CADM1: variants seen among roughly 807,000 people sequenced by gnomAD.
CADM1 encodes the protein cell adhesion molecule 1.
CADM1 carries 15 observed loss-of-function variants against 53.1 expected under a neutral mutation model. The ratio of observed to expected loss-of-function variants is 0.28; its 90% CI spans 0.19 to 0.44. The LOEUF is 0.44. CADM1 is among the 20% of genes least tolerant of loss of function. The probability of loss-of-function intolerance (pLI) is 1.00; values close to 1 mark genes in which losing one functional copy is unlikely to be tolerated. For missense variants in CADM1, 434 were observed against 611.3 expected, an observed-to-expected ratio of 0.71 and a Z score of 3.06; for synonymous variants, 281 against 243.0, an observed-to-expected ratio of 1.16 and a Z score of -1.45.
At chr11:115,313,434 A>T (rs1300829372) in intron 1 of CADM1, among the ~76,000 whole-genome samples, 1 of 152,194 alleles carries the variant, frequency 6.6e-6, no homozygotes. Context: ...TCTGCCAGTT[A>T]GTACAATTTA....
At chr11:115,423,451 A>C (rs1947811442) in intron 1 of CADM1, among the ~76,000 whole-genome samples, 1 of 152,196 alleles carries the variant, frequency 6.6e-6, no homozygotes, top group African/African-American at 2.4e-5. Context: ...TCTCCTTACT[A>C]TGCATGGTGA....
At chr11:115,501,823 TC>T (rs1043731952) in intron 1 of CADM1, among the ~76,000 whole-genome samples, 13 of 152,098 alleles carry the variant, frequency 8.5e-5, no homozygotes, top group African/African-American at 2.9e-4. Context: ...GGAGGAAAAG[TC>T]CCTTGGTGCC....
At chr11:115,405,522 A>G (rs1229703168) in intron 1 of CADM1, among the ~76,000 whole-genome samples, 1 of 152,230 alleles carries the variant, frequency 6.6e-6, no homozygotes, top group East Asian at 1.9e-4. Flanking sequence ...AAAGACACAT[A>G]TAAGAATGGT....
intron 1 of CADM1, among the ~76,000 whole-genome samples, chr11:115,339,052 G>A (rs112259651): frequency 4.4e-5 from 2 of 45,322 alleles, no homozygotes; most frequent in East Asian, 4.9e-4. Context: ...CCCCTCCCCC[G>A]ACCCCACCAC....
intron 1 of CADM1, among the ~76,000 whole-genome samples, chr11:115,432,492 T>C (rs895160556): frequency 1.3e-5 from 2 of 152,216 alleles, no homozygotes; most frequent in Non-Finnish European, 2.9e-5. Flanking sequence ...ACTTGGCATC[T>C]CAGCATCTAG....
chr11:115,481,889 T>A (rs1383184034), intron 1 of CADM1, among the ~76,000 whole-genome samples: 2 of 152,110 alleles, frequency 1.3e-5, no homozygotes, highest in Non-Finnish European at 2.9e-5. Context: ...CCTACCTGAG[T>A]CTCTAATCCT....
At chr11:115,323,083 C>T (rs1006035324) in intron 1 of CADM1, among the ~76,000 whole-genome samples, 1 of 152,108 alleles carries the variant, frequency 6.6e-6, no homozygotes, top group Non-Finnish European at 1.5e-5. Flanking sequence ...TTCTCCATAT[C>T]CTTGTCAACA....
At chr11:115,420,641 C>T (rs1232935693) in intron 1 of CADM1, among the ~76,000 whole-genome samples, 4 of 152,178 alleles carry the variant, frequency 2.6e-5, no homozygotes, top group Admixed American at 6.5e-5. Context: ...GAGGTTCCTA[C>T]TCAAAGAGGC....
intron 1 of CADM1, among the ~76,000 whole-genome samples, chr11:115,467,187 G>A (rs756031963): frequency 6.6e-6 from 1 of 152,206 alleles, no homozygotes; most frequent in Admixed American, 6.5e-5. Context: ...GACGTCTGTA[G>A]TGGAGGAGCA....
chr11:115,198,295 C>T, intron 9 of CADM1, 111 bp downstream of exon 9: 1 of 768,972 alleles, frequency 1.3e-6, no homozygotes, highest in East Asian at 2.7e-5. Context: ...TTTATGAGGT[C>T]AGTCTACTTG....
At chr11:115,324,310 C>A (rs918027950) in intron 1 of CADM1, among the ~76,000 whole-genome samples, 15 of 152,086 alleles carry the variant, frequency 9.9e-5, no homozygotes, top group African/African-American at 3.6e-4. Flanking sequence ...TTTTTAACTA[C>A]CTAACATTTT....
chr11:115,400,661 G>GTATATATGTATATA (rs1947126853), intron 1 of CADM1, among the ~76,000 whole-genome samples: 1 of 46,560 alleles, frequency 2.1e-5, no homozygotes, highest in African/African-American at 7.3e-5. Flanking sequence ...GTGTGTGTGT[G>GTATATATGTATATA]TATATATATA....
intron 1 of CADM1, among the ~76,000 whole-genome samples, chr11:115,359,677 T>C (rs1029588926): frequency 7.2e-5 from 11 of 151,964 alleles, no homozygotes; most frequent in Non-Finnish European, 1.5e-4. Flanking sequence ...CAAAGAAAGC[T>C]TTTTTTTAAG....
intron 1 of CADM1, among the ~76,000 whole-genome samples, chr11:115,347,691 C>T (rs1358014660): frequency 6.6e-6 from 1 of 152,110 alleles, no homozygotes; most frequent in Non-Finnish European, 1.5e-5. Context: ...AATATTTTTT[C>T]AACTATATAA....
chr11:115,404,346 AATATATATATATATATATATAT>A (rs869231204), intron 1 of CADM1, among the ~76,000 whole-genome samples: 1,285 of 33,832 alleles, frequency 0.038, 157 homozygotes, highest in Non-Finnish European at 0.044. Flanking sequence ...AAAAAAAAAA[AATATATATATATATATATATAT>A]ATATATATAT....
chr11:115,383,953 G>GAA (rs111689438), intron 1 of CADM1, among the ~76,000 whole-genome samples: 5 of 141,870 alleles, frequency 3.5e-5, no homozygotes, highest in African/African-American at 1.3e-4. Flanking sequence ...AGAGCTCCTG[G>GAA]AAAAAAAAAA....
intron 1 of CADM1, among the ~76,000 whole-genome samples, chr11:115,394,270 G>A (rs1946929360): frequency 6.6e-6 from 1 of 152,202 alleles, no homozygotes; most frequent in Admixed American, 6.5e-5. Flanking sequence ...TGCAGTAAAA[G>A]AGAATGTGAA....
intron 1 of CADM1, among the ~76,000 whole-genome samples, chr11:115,404,061 C>T (rs189026701): frequency 6.6e-6 from 1 of 150,564 alleles, no homozygotes; most frequent in Non-Finnish European, 1.5e-5. Flanking sequence ...CACAGTTGCT[C>T]ACGCCTGTAA....
intron 1 of CADM1, among the ~76,000 whole-genome samples, chr11:115,318,465 A>G (rs1309131691): frequency 6.6e-6 from 1 of 152,172 alleles, no homozygotes; most frequent in Non-Finnish European, 1.5e-5. Context: ...ATAATGTCCT[A>G]TTTGGGGAAT....
Sources: allele counts gnomAD v4.1 joint callset (sites outside exome capture counted in the v4.1 genomes callset), GRCh38; gene constraint gnomAD v4.1.1; transcripts MANE v1.5; gene names NCBI Gene and HGNC (gene_info 2026-07-23, HGNC 2026-07-21).